NEIL2: variants seen among roughly 807,000 people sequenced by gnomAD.
The protein encoded by NEIL2 is endonuclease 8-like 2.
A neutral mutation model predicts 22.2 loss-of-function variants in NEIL2; 23 were observed. That is an observed-to-expected ratio of 1.04 (90% confidence interval 0.75 to 1.47). The LOEUF (loss-of-function observed/expected upper bound fraction) is 1.47, where lower values mean the gene tolerates loss of function less well. Among genes scored for constraint, NEIL2 ranks in the 40% most tolerant of loss-of-function variants. The probability of loss-of-function intolerance (pLI) is 0.00; values close to 1 mark genes in which losing one functional copy is unlikely to be tolerated. For synonymous variants in NEIL2, 229 were observed against 164.8 expected (o/e 1.39, Z -2.99); for missense variants, 583 against 404.7 (o/e 1.44, Z -3.78).
rs528843262 is a variant in NEIL2 at position 11,784,055 on chromosome 8, G to A, written c.688+656G>A. On this transcript the variant is annotated intron_variant, in intron 4 of 4. Transcript: ENST00000284503. Reference sequence around the variant, plus strand: ...CGTGGCGTTCTTATTACTCACAGTAGGGGAATAATTGTGCCCAAAATTGGT... The same window carrying A: ...CGTGGCGTTCTTATTACTCACAGTAAGGGAATAATTGTGCCCAAAATTGGT... Among the ~76,000 whole-genome samples, 31 of 152,282 alleles carry A rather than the reference G, an allele frequency of 2.0e-4. No homozygotes were observed. The East Asian group carries it at 6.0e-3, about 29-fold the overall frequency.
At chr8:11,784,870 C>A (rs1425882085) in intron 4 of NEIL2, among the ~76,000 whole-genome samples, 5 of 152,148 alleles carry the variant, frequency 3.3e-5, no homozygotes, top group Non-Finnish European at 7.3e-5. Flanking sequence ...CTTGGTATTT[C>A]ATTTATTTTA....
intron 4 of NEIL2, 146 bp from the exon 5 acceptor site, chr8:11,785,817 A>G (rs1804875059): frequency 2.6e-6 from 2 of 775,322 alleles, no homozygotes; most frequent in South Asian, 2.8e-5. Context: ...CATTTTACAG[A>G]CAGAGAAATG....
At chr8:11,785,872 A>C in intron 4 of NEIL2, 91 bp from the exon 5 acceptor site, 24 of 1,170,856 alleles carry the variant, frequency 2.0e-5, no homozygotes, top group Non-Finnish European at 2.8e-5. Context: ...AGGACATGGA[A>C]GAGCTGATTT....
At chr8:11,772,695 G>A (rs765135014) in intron 2 of NEIL2, among the ~76,000 whole-genome samples, 1 of 152,168 alleles carries the variant, frequency 6.6e-6, no homozygotes, top group Non-Finnish European at 1.5e-5. Context: ...GCTGAGTGCC[G>A]GCACGTAGGA....
rs8191668 is a variant in NEIL2, at chr8:11,786,411, C to T, written c.*138C>T. 5.0e-6 allele frequency: 4 copies of T among 801,560 alleles called. No individual in the cohort carries two copies. Among genetic ancestry groups the T allele is most frequent in the Non-Finnish European group, 8.4e-6 (4 of 473,840 alleles). 49.7% of individuals were successfully genotyped at this position (801,560 alleles called of 1,614,324 possible). ...GTGCCAGTAGTATAATATTCGTCTC[C>T]CTGGAGTTATGTTGAAGGCAGAGTT... On this transcript the variant is annotated 3_prime_UTR_variant, in exon 5 of 5. Coordinates refer to ENST00000284503, the MANE Select transcript of NEIL2 (RefSeq NM_145043.4).
At chr8:11,780,008 T>C in intron 3 of NEIL2, 58 bp downstream of exon 3, 1 of 1,468,486 alleles carries the variant, frequency 6.8e-7, no homozygotes, top group South Asian at 1.1e-5. Flanking sequence ...CCCTGCTTGG[T>C]GGGGTTTGGG....
chr8:11,785,396 A>G (rs1490216919), intron 4 of NEIL2, among the ~76,000 whole-genome samples: 2 of 148,904 alleles, frequency 1.3e-5, no homozygotes, highest in Non-Finnish European at 3.0e-5. Flanking sequence ...GGGTTTCACC[A>G]TGTTGTCCAG....
At chr8:11,770,971 T>C (rs1217553880) in intron 1 of NEIL2, among the ~76,000 whole-genome samples, 2 of 152,162 alleles carry the variant, frequency 1.3e-5, no homozygotes, top group South Asian at 2.1e-4. Flanking sequence ...TCGGCGGTCC[T>C]GGAGGGCGGC....
intron 3 of NEIL2, among the ~76,000 whole-genome samples, chr8:11,782,239 A>C (rs1046853708): frequency 6.6e-6 from 1 of 152,062 alleles, no homozygotes; most frequent in African/African-American, 2.4e-5. Flanking sequence ...CCTGGCCAAC[A>C]TGATGAAACC....
At chr8:11,785,036 T>C (rs809206) in intron 4 of NEIL2, among the ~76,000 whole-genome samples, 31,063 of 151,956 alleles carry the variant, frequency 0.2, 3,768 homozygotes, top group South Asian at 0.35. Flanking sequence ...GCCTCACTAA[T>C]TTTTAAAATT....
chr8:11,777,924 A>C (rs1804051813), intron 2 of NEIL2, among the ~76,000 whole-genome samples: 1 of 152,140 alleles, frequency 6.6e-6, no homozygotes, highest in Admixed American at 6.5e-5. Context: ...ATCTCTTACC[A>C]CTGTTCCATT....
intron 2 of NEIL2, among the ~76,000 whole-genome samples, chr8:11,777,199 C>T (rs1026938627): frequency 6.6e-6 from 1 of 151,598 alleles, no homozygotes; most frequent in Non-Finnish European, 1.5e-5. Flanking sequence ...CACTTTGTTA[C>T]CCAGGCTGGT....
Position 11,783,254 on chromosome 8 carries a change from G to T in NEIL2, c.543G>T (p.Gln181His). 1 of 1,614,256 alleles carries T rather than the reference G, an allele frequency of 6.2e-7. No individual in the cohort carries two copies. Residue 181 changes from glutamine (Q) to histidine (H), a missense_variant, in exon 4 of 5, where the codon CAG becomes CAT. Transcript: ENST00000284503. The part of the protein sequence containing the change: ...GGGFLAFYNC[Q>H]LSWSSSPVVT... ...GCTTCCTGGCATTTTATAATTGTCAGTTGTCTTGGAGCTCTTCCCCAGTGG... is the reference window on the plus strand; with the variant it reads ...GCTTCCTGGCATTTTATAATTGTCATTTGTCTTGGAGCTCTTCCCCAGTGG...
At chr8:11,780,006 G>A in intron 3 of NEIL2, 56 bp downstream of exon 3, 1 of 1,483,084 alleles carries the variant, frequency 6.7e-7, no homozygotes, top group Admixed American at 1.7e-5. Flanking sequence ...GGCCCTGCTT[G>A]GTGGGGTTTG....
intron 2 of NEIL2, 110 bp from the exon 3 acceptor site, chr8:11,779,488 G>A (rs1008187805): frequency 2.2e-6 from 2 of 900,286 alleles, no homozygotes; most frequent in Non-Finnish European, 3.6e-6. Context: ...ATTTGGGAAG[G>A]CCCCCCAGGA....
intron 2 of NEIL2, among the ~76,000 whole-genome samples, chr8:11,776,409 T>C (rs1055821204): frequency 9.9e-5 from 15 of 152,210 alleles, no homozygotes; most frequent in African/African-American, 3.6e-4. Context: ...CCAAACCATA[T>C]CACACATTTT....
chr8:11,778,494 C>T (rs765883459), intron 2 of NEIL2, among the ~76,000 whole-genome samples: 21 of 152,042 alleles, frequency 1.4e-4, no homozygotes, highest in Non-Finnish European at 2.4e-4. Context: ...TAAGCACGGA[C>T]CTGTAGTGGT....
chr8:11,779,384 A>T (rs1294702809), intron 2 of NEIL2, among the ~76,000 whole-genome samples: 1 of 152,196 alleles, frequency 6.6e-6, no homozygotes, highest in East Asian at 1.9e-4. Context: ...TTCACTGCCA[A>T]CTAAGTCTCC....
Position 11,779,791 on chromosome 8 carries a change from G to T in NEIL2, c.332G>T (p.Gly111Val), listed in dbSNP as rs774175271. Residue 111 changes from glycine to valine, a missense_variant, in exon 3 of 5, where the codon GGC (glycine) becomes GTC (valine). By Grantham distance (109) the Gly-to-Val change is moderately radical. Transcript: ENST00000284503. ...CGGTCTGCAGAGCTCGTCCCCCAGG[G>T]CGAGGATGATTCTGAGTATTTGGAG... ...SSRSAELVPQ[G>V]EDDSEYLERD... The T allele has an allele frequency of 5.6e-6, 9 of 1,614,104 alleles. No homozygotes were observed. The Admixed American group carries it at 1.0e-4, about 18-fold the overall frequency.
Sources: allele counts gnomAD v4.1 joint callset (sites outside exome capture counted in the v4.1 genomes callset), GRCh38; gene constraint gnomAD v4.1.1; transcripts MANE v1.5; gene names NCBI Gene and HGNC (gene_info 2026-07-23, HGNC 2026-07-21).